The following DPP6 variants were observed in gnomAD, a reference collection of about 807,000 sequenced individuals.
DPP6 encodes dipeptidyl peptidase like 6.
DPP6 carries 69 observed loss-of-function variants against 122.6 expected under a neutral mutation model. The observed-to-expected ratio is 0.56, with a 90% confidence interval of 0.46 to 0.69. The LOEUF (loss-of-function observed/expected upper bound fraction) is 0.69. DPP6 is among the 30% of genes least tolerant of loss of function. DPP6 has a pLI of 0.00. For missense variants in DPP6, 928 were observed against 1,116.9 expected, an observed-to-expected ratio of 0.83 and a Z score of 2.41; for synonymous variants, 418 against 433.1, an observed-to-expected ratio of 0.97 and a Z score of 0.43.
At chr7:153,927,576 C>T (rs1800959467) in intron 1 of DPP6, among the ~76,000 whole-genome samples, 1 of 152,120 alleles carries the variant, frequency 6.6e-6, no homozygotes, top group Non-Finnish European at 1.5e-5. Flanking sequence ...AAGATATGGC[C>T]AACTAAATTA....
At chr7:153,982,962 C>G (rs1182951658) in intron 1 of DPP6, among the ~76,000 whole-genome samples, 3 of 152,180 alleles carry the variant, frequency 2.0e-5, no homozygotes, top group African/African-American at 7.2e-5. Flanking sequence ...TCAGAGCTCT[C>G]CTGTATGAGG....
rs187855765 is a variant in DPP6 at position 154,349,206 on chromosome 7, C to T, written c.244-97008C>T. Among the ~76,000 whole-genome samples the T allele has an allele frequency of 3.7e-3, 571 of 152,292 alleles. 2 individuals carry two copies. The highest frequency in any genetic ancestry group is 5.5e-3 in the Non-Finnish European group (375 of 68,032). On this transcript the variant is annotated intron_variant, in intron 1 of 25. Transcript: ENST00000377770. ...TGTTTTGTTTTTTGAGACGGAGTCTCGCTCTGTCACCCAGGCTGGAGTGCA... is the reference window on the plus strand; with the variant it reads ...TGTTTTGTTTTTTGAGACGGAGTCTTGCTCTGTCACCCAGGCTGGAGTGCA...
chr7:153,917,159 G>A (rs574936365), intron 1 of DPP6, among the ~76,000 whole-genome samples: 1 of 152,316 alleles, frequency 6.6e-6, no homozygotes, highest in Non-Finnish European at 1.5e-5. Context: ...TAAGTAGCAA[G>A]TTCTTATAGG....
At chr7:154,576,428 C>T (rs1391710451) in intron 5 of DPP6, among the ~76,000 whole-genome samples, 1 of 152,168 alleles carries the variant, frequency 6.6e-6, no homozygotes, top group East Asian at 1.9e-4. Context: ...GGTGCCTTCT[C>T]CCCCTAGAAC....
chr7:154,517,399 G>T (rs565953011), intron 3 of DPP6, among the ~76,000 whole-genome samples: 1 of 152,084 alleles, frequency 6.6e-6, no homozygotes. Flanking sequence ...CACCCAGCAC[G>T]GTGTCTGCAC....
intron 25 of DPP6, among the ~76,000 whole-genome samples, chr7:154,891,654 C>T (rs1053172154): frequency 3.9e-5 from 6 of 152,070 alleles, no homozygotes; most frequent in Non-Finnish European, 5.9e-5. Flanking sequence ...GGCGCGATCT[C>T]GGCTCACAGC....
intron 1 of DPP6, among the ~76,000 whole-genome samples, chr7:154,011,565 C>T (rs1026617492): frequency 1.3e-5 from 2 of 150,212 alleles, no homozygotes; most frequent in African/African-American, 2.4e-5. Context: ...AAATTTTATT[C>T]ACTAAGAACA....
rs139152037 is a variant in DPP6 at position 154,242,381 on chromosome 7, A to AGTGTGTGTGTGTGTGT, written c.243+189321_243+189336dup. 5.7e-3 allele frequency among the ~76,000 whole-genome samples: 854 copies of AGTGTGTGTGTGTGTGT among 150,306 alleles called. 10 individuals are homozygous for AGTGTGTGTGTGTGTGT. Among genetic ancestry groups the AGTGTGTGTGTGTGTGT allele is most frequent in the East Asian group, 0.02 (101 of 5,102 alleles). On this transcript the variant is annotated intron_variant, in intron 1 of 25. Transcript: ENST00000377770. Reference sequence around the variant, plus strand: ...GTAACACTGACTTTAAGAGGCAATGAGTGTGTGTGTGTGTGTGTATGTGTG... The same window carrying AGTGTGTGTGTGTGTGT: ...GTAACACTGACTTTAAGAGGCAATGAGTGTGTGTGTGTGTGTGTGTGTGTGTGTGTGTGTATGTGTG...
At chr7:154,668,737 C>T (rs1188346079) in intron 6 of DPP6, among the ~76,000 whole-genome samples, 3 of 152,094 alleles carry the variant, frequency 2.0e-5, no homozygotes, top group African/African-American at 7.2e-5. Context: ...CCACCATGAC[C>T]TTTACTCACT....
At chr7:154,324,658 C>T (rs777059434) in intron 1 of DPP6, among the ~76,000 whole-genome samples, 10 of 152,160 alleles carry the variant, frequency 6.6e-5, no homozygotes, top group Non-Finnish European at 1.3e-4. Flanking sequence ...TTGTTCGTTT[C>T]ACCCAGGCAG....
intron 25 of DPP6, 141 bp downstream of exon 25, chr7:154,889,671 G>C: frequency 7.3e-7 from 1 of 1,377,226 alleles, no homozygotes; most frequent in Non-Finnish European, 9.7e-7. Flanking sequence ...GGTCCCAGCA[G>C]GTTGGAAAAT....
At position 153,891,994 on chromosome 7, in the gene DPP6, A is replaced by T. The variant is rs541885478; in HGVS notation, c.51+4260A>T. ...AGTGGCTGTCTTGAGTTCCCTGTATAGGGAAAGCTGGAGTTCTTCCTTGTG... is the reference window on the plus strand; with the variant it reads ...AGTGGCTGTCTTGAGTTCCCTGTATTGGGAAAGCTGGAGTTCTTCCTTGTG... On this transcript the variant is annotated intron_variant, in intron 1 of 25. Transcript: ENST00000404039. Among the ~76,000 whole-genome samples, 149 of 152,330 alleles carry T rather than the reference A, an allele frequency of 9.8e-4. 2 individuals carry two copies. The Middle Eastern group carries it at 0.01, about 10-fold the overall frequency.
chr7:154,720,483 G>C (rs1841742199), intron 7 of DPP6, among the ~76,000 whole-genome samples: 1 of 152,238 alleles, frequency 6.6e-6, no homozygotes, highest in East Asian at 1.9e-4. Flanking sequence ...TCTGGAAGAA[G>C]GAACCAAGGT....
At chr7:153,930,403 A>G (rs1442709400) in intron 1 of DPP6, among the ~76,000 whole-genome samples, 3 of 152,126 alleles carry the variant, frequency 2.0e-5, no homozygotes, top group Admixed American at 2.0e-4. Flanking sequence ...ATACTTAGAA[A>G]CCAGCATCCT....
At chr7:154,089,360 G>T (rs1427600320) in intron 1 of DPP6, among the ~76,000 whole-genome samples, 1 of 138,542 alleles carries the variant, frequency 7.2e-6, no homozygotes, top group Non-Finnish European at 1.5e-5. Context: ...GAGGTAGTGA[G>T]GTGTCAGCAA....
rs74491218 is a variant in DPP6, at chr7:154,530,631, C to A, written c.458-9901C>A. Reference sequence around the variant, plus strand: ...AGAAATACCATTTAACCTTGCAGTCCAATTACTGGGTATACACATGAAGGA... The same window carrying A: ...AGAAATACCATTTAACCTTGCAGTCAAATTACTGGGTATACACATGAAGGA... On this transcript the variant is annotated intron_variant, in intron 3 of 25. Transcript: ENST00000377770. Among the ~76,000 whole-genome samples, 762 of 152,184 alleles carry A rather than the reference C, an allele frequency of 5.0e-3. 4 individuals carry two copies. The highest frequency in any genetic ancestry group is 0.024 in the Middle Eastern group (7 of 294).
intron 1 of DPP6, among the ~76,000 whole-genome samples, chr7:154,338,005 C>T (rs1315052045): frequency 1.3e-5 from 2 of 152,232 alleles, no homozygotes; most frequent in Non-Finnish European, 2.9e-5. Flanking sequence ...GACTGCATTT[C>T]TCACTGAGCG....
At chr7:153,976,661 A>C (rs909203104) in intron 1 of DPP6, among the ~76,000 whole-genome samples, 3 of 152,254 alleles carry the variant, frequency 2.0e-5, no homozygotes, top group African/African-American at 7.2e-5. Context: ...AATGATTTTC[A>C]TGAAGAAGGA....
intron 7 of DPP6, among the ~76,000 whole-genome samples, chr7:154,689,073 C>T (rs1265731564): frequency 6.6e-6 from 1 of 152,222 alleles, no homozygotes; most frequent in African/African-American, 2.4e-5. Flanking sequence ...TCATCCTCAA[C>T]TCTGCCTTAT....
Sources: gnomAD v4.1 joint callset for allele counts (sites outside exome capture counted in the v4.1 genomes callset) on GRCh38, gnomAD v4.1.1 for gene constraint, MANE v1.5 for transcripts, NCBI Gene and HGNC (gene_info 2026-07-23, HGNC 2026-07-21) for gene names.